Variants in CFAP20DC observed in about 807,000 individuals in gnomAD.
CFAP20DC encodes protein CFAP20DC.
In CFAP20DC, 84 loss-of-function variants were observed where a neutral mutation model predicts 101.7. The ratio of observed to expected loss-of-function variants is 0.83; its 90% confidence interval spans 0.69 to 0.99. CFAP20DC has a LOEUF of 0.99. Ranked by LOEUF, CFAP20DC falls within the 50% of genes least tolerant of loss-of-function variation. The probability of loss-of-function intolerance (pLI) is 0.00; values close to 1 mark genes in which losing one functional copy is unlikely to be tolerated. For missense variants in CFAP20DC, 1,007 were observed against 970.3 expected (o/e 1.04, Z -0.50); for synonymous variants, 359 against 351.2 (o/e 1.02, Z -0.25).
intron 4 of CFAP20DC, among the ~76,000 whole-genome samples, chr3:59,020,908 ATG>A (rs2093791185): frequency 6.6e-6 from 1 of 152,092 alleles, no homozygotes; most frequent in African/African-American, 2.4e-5. Flanking sequence ...CTCTCAGGTA[ATG>A]TGAGACAGCT....
chr3:58,716,858 C>T (rs748301987), downstream of CFAP20DC, among the ~76,000 whole-genome samples: 7 of 152,138 alleles, frequency 4.6e-5, no homozygotes, highest in Admixed American at 1.3e-4. Flanking sequence ...GAGTAACATA[C>T]CCAAACGAGG....
intron 14 of CFAP20DC, among the ~76,000 whole-genome samples, chr3:58,810,111 T>G (rs1358708716): frequency 1.3e-5 from 2 of 152,176 alleles, no homozygotes; most frequent in African/African-American, 4.8e-5. Context: ...CACAGCCGAA[T>G]TCTATCAGAG....
At position 59,049,727 on chromosome 3, in the gene CFAP20DC, G is replaced by C. The variant is rs1284680081; in HGVS notation, c.-96C>G. The C allele has an allele frequency of 3.5e-6, 5 of 1,438,318 alleles. No homozygotes were observed. The highest frequency in any genetic ancestry group is 4.7e-6 in the Non-Finnish European group (5 of 1,073,404). The allele number at this position is 1,438,318 out of a possible 1,614,324, so 89.1% of individuals were successfully genotyped here. A position where few individuals can be genotyped will look rare whatever the true frequency, so the allele number is the denominator to read the frequency against. On this transcript the variant is annotated 5_prime_UTR_variant, in exon 1 of 17. Coordinates refer to ENST00000482387, the MANE Select transcript of CFAP20DC (RefSeq NM_001394063.1). ...CTGGAAATCGGCTGGCGGGAACCCA[G>C]GAGCCCGACGGGTGGGAAAGGGCTT...
At chr3:58,749,530 TA>T (rs1208948208) in intron 16 of CFAP20DC, among the ~76,000 whole-genome samples, 1 of 152,260 alleles carries the variant, frequency 6.6e-6, no homozygotes, top group Non-Finnish European at 1.5e-5. Context: ...GCTACCCATT[TA>T]TATCTCATGG....
At chr3:58,924,901 A>G (rs996774773) in intron 5 of CFAP20DC, among the ~76,000 whole-genome samples, 2 of 151,902 alleles carry the variant, frequency 1.3e-5, no homozygotes, top group East Asian at 1.9e-4. Context: ...GTTCACACCC[A>G]TAGCTCACTT....
At chr3:58,954,437 T>G (rs1217677090) in intron 4 of CFAP20DC, among the ~76,000 whole-genome samples, 2 of 152,190 alleles carry the variant, frequency 1.3e-5, no homozygotes, top group African/African-American at 4.8e-5. Context: ...TTCCTCATCA[T>G]GACCTAAAAA....
chr3:58,819,573 T>C (rs2075461988), intron 14 of CFAP20DC, among the ~76,000 whole-genome samples: 1 of 147,018 alleles, frequency 6.8e-6, no homozygotes, highest in Non-Finnish European at 1.5e-5. Context: ...ACACATACAC[T>C]CTCCCAAGAC....
At chr3:59,008,556 G>T (rs2108830206) in intron 4 of CFAP20DC, among the ~76,000 whole-genome samples, 1 of 152,292 alleles carries the variant, frequency 6.6e-6, no homozygotes, top group East Asian at 1.9e-4. Context: ...CATGTCCTTT[G>T]TAGGGACATG....
intron 5 of CFAP20DC, among the ~76,000 whole-genome samples, chr3:58,935,142 G>T (rs1006744843): frequency 5.3e-5 from 8 of 152,122 alleles, no homozygotes; most frequent in Non-Finnish European, 8.8e-5. Flanking sequence ...GACAATCAGA[G>T]AGCCAAATCA....
chr3:58,876,755 C>T (rs556676012), intron 7 of CFAP20DC, among the ~76,000 whole-genome samples: 23 of 152,182 alleles, frequency 1.5e-4, no homozygotes, highest in African/African-American at 5.5e-4. Context: ...ACCAGAAAAA[C>T]CTGTTGAATT....
intron 4 of CFAP20DC, among the ~76,000 whole-genome samples, chr3:59,003,211 TTCTC>T (rs1271237481): frequency 2.6e-5 from 4 of 152,204 alleles, no homozygotes; most frequent in Non-Finnish European, 4.4e-5. Flanking sequence ...AGTTGCTTAT[TTCTC>T]TCTATTTTTT....
intron 4 of CFAP20DC, among the ~76,000 whole-genome samples, chr3:59,035,114 G>A (rs2094072612): frequency 6.6e-6 from 1 of 152,080 alleles, no homozygotes; most frequent in Non-Finnish European, 1.5e-5. Context: ...ATGAAATCAA[G>A]GCAGAAATAA....
intron 4 of CFAP20DC, among the ~76,000 whole-genome samples, chr3:59,024,248 C>A (rs542967999): frequency 5.9e-5 from 9 of 152,290 alleles, no homozygotes; most frequent in African/African-American, 1.9e-4. Flanking sequence ...TTAACATTTA[C>A]TGATCATGTA....
At chr3:58,847,443 A>C (rs1165318031) in intron 13 of CFAP20DC, among the ~76,000 whole-genome samples, 1 of 150,418 alleles carries the variant, frequency 6.6e-6, no homozygotes, top group Non-Finnish European at 1.5e-5. Flanking sequence ...CCATCAGAGA[A>C]ATGCAAATCA....
Position 58,717,763 on chromosome 3 carries a change from C to A in CFAP20DC, c.198-135G>T. On this transcript the variant is annotated intron_variant, in intron 3 of 3. Coordinates refer to the CFAP20DC transcript ENST00000486145. This position sits in a 1 kb window ranked among gnomAD's most constrained non-coding sequence, Gnocchi z 4.1. ...GTCTCATCCTGAATACTTTGGCTGGCAACTTATTAGCTAGAACTGGTGACT... is the reference window on the plus strand; with the variant it reads ...GTCTCATCCTGAATACTTTGGCTGGAAACTTATTAGCTAGAACTGGTGACT... 1 of 339,536 alleles carries A rather than the reference C, an allele frequency of 2.9e-6. No individual in the cohort carries two copies. Among genetic ancestry groups the A allele is most frequent in the Non-Finnish European group, 5.8e-6 (1 of 172,604 alleles). The allele number at this position is 339,536 out of a possible 1,614,324, so 21.0% of individuals were successfully genotyped here.
chr3:58,792,714 T>G (rs1178672314), intron 15 of CFAP20DC, among the ~76,000 whole-genome samples: 1 of 151,660 alleles, frequency 6.6e-6, no homozygotes, highest in Non-Finnish European at 1.5e-5. Context: ...CAAAATATAG[T>G]TGTTTTATTT....
At chr3:58,901,539 G>A (rs758138225) in intron 6 of CFAP20DC, among the ~76,000 whole-genome samples, 1 of 152,174 alleles carries the variant, frequency 6.6e-6, no homozygotes, top group Non-Finnish European at 1.5e-5. Context: ...TGTAAATGAG[G>A]GGATAAGAAT....
At chr3:58,961,595 T>C (rs2091141673) in intron 4 of CFAP20DC, among the ~76,000 whole-genome samples, 1 of 152,040 alleles carries the variant, frequency 6.6e-6, no homozygotes, top group African/African-American at 2.4e-5. Context: ...TGTCCTTTTC[T>C]ATTTTCTGAA....
intron 4 of CFAP20DC, among the ~76,000 whole-genome samples, chr3:58,952,083 A>G (rs1420527645): frequency 6.6e-6 from 1 of 152,074 alleles, no homozygotes. Context: ...TAGGGATGGA[A>G]TTTCTGGAAA....
Sources: allele counts gnomAD v4.1 joint callset (sites outside exome capture counted in the v4.1 genomes callset), GRCh38; gene constraint gnomAD v4.1.1; non-coding constraint Gnocchi (gnomAD v3.1); transcripts MANE v1.5; gene names NCBI Gene and HGNC (gene_info 2026-07-23, HGNC 2026-07-21).